ANXA10: variants seen among roughly 807,000 people sequenced by gnomAD.
The protein encoded by ANXA10 is annexin A10, also known as annexin 14.
A neutral mutation model predicts 53.5 loss-of-function variants in ANXA10; 49 were observed. That is an observed-to-expected ratio of 0.92 (90% CI 0.73 to 1.16). The LOEUF is 1.16. Ranked by LOEUF, ANXA10 falls within the 50% of genes most tolerant of loss-of-function variation. The pLI, the probability that ANXA10 is intolerant of heterozygous loss-of-function variation, is 0.00. For missense variants in ANXA10, 393 were observed against 394.4 expected (o/e 1.00, Z 0.03); for synonymous variants, 131 against 128.9 (o/e 1.02, Z -0.11).
At chr4:168,165,940 G>C (rs1463777507) in intron 6 of ANXA10, among the ~76,000 whole-genome samples, 2 of 152,136 alleles carry the variant, frequency 1.3e-5, no homozygotes, top group East Asian at 3.9e-4. Flanking sequence ...GCCTCCCAAG[G>C]TGCTAGAATT....
intron 3 of ANXA10, among the ~76,000 whole-genome samples, chr4:168,146,721 A>G (rs1053413283): frequency 2.0e-5 from 3 of 152,176 alleles, no homozygotes; most frequent in African/African-American, 7.2e-5. Flanking sequence ...GAAGGACACA[A>G]AAGTTATCAG....
intron 6 of ANXA10, among the ~76,000 whole-genome samples, chr4:168,168,447 T>C (rs1731921209): frequency 6.6e-6 from 1 of 152,124 alleles, no homozygotes; most frequent in African/African-American, 2.4e-5. Context: ...TTAACGGAGT[T>C]TCACTCTTGT....
At chr4:168,130,756 A>G (rs2149470279) in intron 2 of ANXA10, among the ~76,000 whole-genome samples, 1 of 152,058 alleles carries the variant, frequency 6.6e-6, no homozygotes, top group Non-Finnish European at 1.5e-5. Context: ...AGTTATTAAT[A>G]ATATTTTATT....
Position 168,164,251 on chromosome 4 carries a change from T to C in ANXA10, c.363T>C (p.Asn121=), listed in dbSNP as rs955646470. The change falls in exon 5 of 12, where the codon AAT becomes AAC. Residue 121 remains asparagine, a synonymous_variant. Transcript: ENST00000359299. ...TTGAAATACTAGCTTCAAGAACAAA[T>C]GGAGAAATTTTCCAGATGCGAGAAG... The part of the protein sequence containing the change: ...CLIEILASRT[N]GEIFQMREAY... 1 of 1,613,142 alleles carries C rather than the reference T, an allele frequency of 6.2e-7. No individual in the cohort carries two copies.
intron 2 of ANXA10, among the ~76,000 whole-genome samples, chr4:168,130,215 CTGT>C (rs1011642817): frequency 1.3e-5 from 2 of 152,092 alleles, no homozygotes; most frequent in African/African-American, 4.8e-5. Context: ...TTTTCTTCAT[CTGT>C]TGATATAATC....
At chr4:168,121,956 T>G (rs1730992911) in intron 1 of ANXA10, among the ~76,000 whole-genome samples, 2 of 151,988 alleles carry the variant, frequency 1.3e-5, no homozygotes. Context: ...CAATTCTCTG[T>G]CTCAGCCTCC....
At chr4:168,123,742 A>T (rs899319328) in intron 1 of ANXA10, among the ~76,000 whole-genome samples, 1 of 151,232 alleles carries the variant, frequency 6.6e-6, no homozygotes, top group African/African-American at 2.4e-5. Context: ...TCAGCATGTT[A>T]TTTTTTTTTC....
Position 168,128,226 on chromosome 4 carries a change from A to G in ANXA10, c.100+61A>G. 3 of 1,342,952 alleles carry G rather than the reference A, an allele frequency of 2.2e-6. No individual in the cohort carries two copies. In the South Asian group the frequency reaches 3.6e-5, roughly 16 times the overall value. The allele number at this position is 1,342,952 out of a possible 1,614,324, so 83.2% of individuals were successfully genotyped here. On this transcript the variant is annotated intron_variant, in intron 2 of 11. Coordinates refer to ENST00000359299, the MANE Select transcript of ANXA10 (RefSeq NM_007193.5). Reference sequence around the variant, plus strand: ...TTATTTTTTGCTTTACCTTGTTTTAAGACTATACTGTGGGTATAAAATAGT... The same window carrying G: ...TTATTTTTTGCTTTACCTTGTTTTAGGACTATACTGTGGGTATAAAATAGT...
At chr4:168,169,608 C>T (rs368088767) in intron 6 of ANXA10, among the ~76,000 whole-genome samples, 8 of 152,148 alleles carry the variant, frequency 5.3e-5, no homozygotes, top group African/African-American at 1.9e-4. Context: ...GCAATATCCC[C>T]TCTGTGTAGA....
At chr4:168,135,285 A>G (rs1010105362) in intron 2 of ANXA10, among the ~76,000 whole-genome samples, 6 of 152,206 alleles carry the variant, frequency 3.9e-5, no homozygotes, top group Non-Finnish European at 8.8e-5. Context: ...CCTCACACAG[A>G]CACTGGGAAA....
chr4:168,170,674 G>A (rs899040207), intron 6 of ANXA10, among the ~76,000 whole-genome samples: 34 of 151,990 alleles, frequency 2.2e-4, no homozygotes, highest in African/African-American at 8.2e-4. Context: ...TTTCAACATA[G>A]AATACCAAAA....
chr4:168,165,247 A>C lies in ANXA10; in HGVS notation c.401A>C (p.Gln134Pro), dbSNP rs1731854852. 6.4e-7 allele frequency: 1 copy of C among 1,560,318 alleles called. No individual in the cohort carries two copies. The highest frequency in any genetic ancestry group is 8.8e-7 in the Non-Finnish European group (1 of 1,138,008). The stretch of plus-strand genomic sequence containing the variant: ...ACCTTTAACATGTTTTCTTATACAG[A>C]ATACAGCAATAACCTCCAAGAGGAC... ...IFQMREAYCL[Q>P]YSNNLQEDIY... Residue 134 changes from glutamine (Q) to proline (P), a missense_variant and splice_region_variant, in exon 6 of 12, where the codon CAA becomes CCA. By Grantham distance (76) the Gln-to-Pro change is moderately conservative. Transcript: ENST00000359299.
rs566652291 is a variant in ANXA10 at position 168,105,175 on chromosome 4, G to A, written c.18+12457G>A. Among the ~76,000 whole-genome samples the A allele has an allele frequency of 3.8e-3, 577 of 151,680 alleles. 2 individuals carry two copies. The highest frequency in any genetic ancestry group is 0.024 in the Middle Eastern group (7 of 294). ...GCAGGTTTGTTATACAGGTAAACTC[G>A]TGTCATGGGAGTTCATTGTACAGAT... is the stretch of plus-strand genomic sequence containing the variant. On this transcript the variant is annotated intron_variant, in intron 1 of 11. Coordinates refer to ENST00000359299, the MANE Select transcript of ANXA10 (RefSeq NM_007193.5).
intron 8 of ANXA10, chr4:168,178,353 A>G (rs1328755563): frequency 1.5e-5 from 3 of 196,170 alleles, no homozygotes; most frequent in Admixed American, 1.1e-4. Flanking sequence ...ATTAGTATTG[A>G]TGTCATGATT....
intron 5 of ANXA10, among the ~76,000 whole-genome samples, chr4:168,164,495 A>G (rs968574874): frequency 2.6e-5 from 4 of 152,142 alleles, no homozygotes; most frequent in African/African-American, 9.7e-5. Context: ...AAGTTAAGCA[A>G]ATTTTCCAGG....
chr4:168,129,066 A>G (rs1041341905), intron 2 of ANXA10, among the ~76,000 whole-genome samples: 11 of 152,264 alleles, frequency 7.2e-5, no homozygotes, highest in Admixed American at 5.9e-4. Flanking sequence ...AACATAGACA[A>G]CATAAAAGAA....
chr4:168,151,632 G>GTATA (rs3065105), intron 3 of ANXA10, among the ~76,000 whole-genome samples: 3 of 151,928 alleles, frequency 2.0e-5, no homozygotes, highest in African/African-American at 7.3e-5. Context: ...GAAAAGTGGT[G>GTATA]TATATATATA....
intron 11 of ANXA10, 140 bp downstream of exon 11, chr4:168,184,821 TAC>T (rs1440773831): frequency 1.7e-6 from 2 of 1,143,622 alleles, no homozygotes; most frequent in Admixed American, 4.6e-5. Context: ...TTTTTTCCTC[TAC>T]ACAGTCTTTA....
intron 2 of ANXA10, among the ~76,000 whole-genome samples, chr4:168,128,886 T>C (rs1174491713): frequency 6.6e-6 from 1 of 151,888 alleles, no homozygotes; most frequent in Non-Finnish European, 1.5e-5. Flanking sequence ...GATACTAAAG[T>C]TTAGAAAAAG....
Sources: allele counts gnomAD v4.1 joint callset (sites outside exome capture counted in the v4.1 genomes callset), GRCh38; gene constraint gnomAD v4.1.1; transcripts MANE v1.5; gene names NCBI Gene and HGNC (gene_info 2026-07-23, HGNC 2026-07-21).